Variants in ZMYND8 observed in about 807,000 individuals in gnomAD.
ZMYND8 encodes zinc finger MYND-type containing 8.
ZMYND8 carries 37 observed loss-of-function variants against 140.8 expected under a neutral mutation model. The ratio of observed to expected loss-of-function variants is 0.26; its 90% CI spans 0.20 to 0.35. ZMYND8 has a LOEUF of 0.35. Among genes scored for constraint, ZMYND8 ranks in the 10% least tolerant of loss-of-function variants. ZMYND8 has a pLI of 1.00. For synonymous variants in ZMYND8, 592 were observed against 597.1 expected, an observed-to-expected ratio of 0.99 and a Z score of 0.12; for missense variants, 1,068 against 1,570.0, an observed-to-expected ratio of 0.68 and a Z score of 5.40.
At chr20:47,285,321 C>A (rs2076853108) in intron 8 of ZMYND8, among the ~76,000 whole-genome samples, 1 of 152,208 alleles carries the variant, frequency 6.6e-6, no homozygotes, top group African/African-American at 2.4e-5. Context: ...ATAAGACTAA[C>A]AGATTTCACA....
At chr20:47,346,670 G>C (rs1006620508) in intron 2 of ZMYND8, among the ~76,000 whole-genome samples, 3 of 151,802 alleles carry the variant, frequency 2.0e-5, no homozygotes, top group Admixed American at 6.6e-5. Flanking sequence ...GCAGTGGTGC[G>C]ATCTCAGCTC....
chr20:47,331,042 GAAGA>G (rs1379340065), intron 2 of ZMYND8, among the ~76,000 whole-genome samples: 3 of 152,188 alleles, frequency 2.0e-5, no homozygotes, highest in Non-Finnish European at 4.4e-5. Context: ...TGTGGCTGGA[GAAGA>G]GAGAAGTGGA....
At chr20:47,267,652 G>A (rs186124926) in intron 11 of ZMYND8, among the ~76,000 whole-genome samples, 2 of 152,278 alleles carry the variant, frequency 1.3e-5, no homozygotes, top group East Asian at 3.9e-4. Flanking sequence ...CCCCTGAAAT[G>A]AGGGCATATT....
chr20:47,319,756 G>C (rs1479364065), intron 2 of ZMYND8: 1 of 152,124 alleles, frequency 6.6e-6, no homozygotes, highest in African/African-American at 2.4e-5. Flanking sequence ...CTGGAAAAAC[G>C]ACAACATCGC....
intron 2 of ZMYND8, among the ~76,000 whole-genome samples, chr20:47,311,142 G>A (rs1042687536): frequency 6.6e-6 from 1 of 152,160 alleles, no homozygotes; most frequent in African/African-American, 2.4e-5. Flanking sequence ...GTAATTGTGT[G>A]GAAAGAACAC....
Position 47,221,479 on chromosome 20 carries a change from G to C in ZMYND8, c.3257-5C>G. On this transcript the variant is annotated splice_region_variant and splice_polypyrimidine_tract_variant and intron_variant, in intron 19 of 22. Coordinates refer to ENST00000471951, the MANE Select transcript of ZMYND8 (RefSeq NM_001281775.3). ...CTTCCTGCTGAGGAGCAGTAGCTGG[G>C]GACAAAGGAGAGAGAGAGACGCCAC... The C allele has an allele frequency of 6.2e-7, 1 of 1,613,458 alleles. No homozygotes were observed.
chr20:47,252,958 C>T (rs1308383317), intron 12 of ZMYND8, among the ~76,000 whole-genome samples: 1 of 152,192 alleles, frequency 6.6e-6, no homozygotes, highest in East Asian at 1.9e-4. Flanking sequence ...ATATTTCAGG[C>T]TTTGCAGGCC....
chr20:47,224,179 C>T (rs1280122443), intron 19 of ZMYND8, 138 bp downstream of exon 19: 1 of 1,410,652 alleles, frequency 7.1e-7, no homozygotes, highest in Non-Finnish European at 9.6e-7. Context: ...GTGTAAGACA[C>T]AATTGTTTTT....
chr20:47,345,169 A>C (rs1186498741), intron 2 of ZMYND8, among the ~76,000 whole-genome samples: 1 of 152,180 alleles, frequency 6.6e-6, no homozygotes, highest in East Asian at 1.9e-4. Flanking sequence ...TATTTAAAAC[A>C]GAAAATAATG....
rs1345920205 is a variant in ZMYND8 at position 47,239,126 on chromosome 20, G to C, written c.2297C>G (p.Thr766Ser). Reference sequence around the variant, plus strand: ...GCTGCCCACCGTCGTGGATGGTGGAGTTTTACCTACAACTAGCCAATGCAT... The same window carrying C: ...GCTGCCCACCGTCGTGGATGGTGGACTTTTACCTACAACTAGCCAATGCAT... Reference protein sequence around the residue: ...PSPKQDVVGKTPPSTTVGSHS... With the variant: ...PSPKQDVVGKSPPSTTVGSHS... Residue 766 changes from threonine to serine, a missense_variant, in exon 15 of 23, where the codon ACT becomes AGT. Coordinates refer to ENST00000471951, the MANE Select transcript of ZMYND8 (RefSeq NM_001281775.3). The C allele has an allele frequency of 1.3e-6, 2 of 1,498,428 alleles. No individual in the cohort carries two copies. Among genetic ancestry groups the C allele is most frequent in the Admixed American group, 4.5e-5 (2 of 44,152 alleles). The allele number at this position is 1,498,428 out of a possible 1,614,324, so 92.8% of individuals were successfully genotyped here.
At chr20:47,215,238 T>C (rs1357525180) in intron 21 of ZMYND8, among the ~76,000 whole-genome samples, 1 of 152,224 alleles carries the variant, frequency 6.6e-6, no homozygotes, top group East Asian at 1.9e-4. Context: ...CTGGGCGTGG[T>C]GGTGTATTCC....
At chr20:47,304,902 C>T (rs1601757767) in intron 3 of ZMYND8, among the ~76,000 whole-genome samples, 1 of 152,130 alleles carries the variant, frequency 6.6e-6, no homozygotes, top group East Asian at 1.9e-4. Context: ...AATCCCTGCA[C>T]TCCCCTGAAC....
chr20:47,238,815 G>T lies in ZMYND8; in HGVS notation c.2608C>A (p.Gln870Lys). The T allele has an allele frequency of 6.2e-7, 1 of 1,613,120 alleles. No homozygotes were observed. Among genetic ancestry groups the T allele is most frequent in the African/African-American group, 1.3e-5 (1 of 75,034 alleles). ...CCCTGGGAAGACTGAGGCTGCTGCT[G>T]CTGGTTTTGCTGCTGCTGCTGCTGC... The part of the protein sequence containing the change: ...QQQQQQQQNQ[Q>K]QQPQSSQGTR... The change falls in exon 15 of 23, where the codon CAG becomes AAG. Residue 870 changes from glutamine to lysine, a missense_variant. By Grantham distance (53) the Gln-to-Lys change is moderately conservative (BLOSUM62 1). This residue lies in a region of ZMYND8 where 383 missense variants were observed against 431.2 expected (regional missense o/e 0.89). Coordinates refer to ENST00000471951, the MANE Select transcript of ZMYND8 (RefSeq NM_001281775.3).
Position 47,246,131 on chromosome 20 carries a change from C to T in ZMYND8, c.2161G>A (p.Val721Ile). Residue 721 changes from valine to isoleucine, a missense_variant, in exon 14 of 23, where the codon GTC becomes ATC. Around this residue, in one of 10 missense-constraint regions of ZMYND8, gnomAD observed 383 missense variants for 431.2 expected, o/e 0.89. Coordinates refer to ENST00000471951, the MANE Select transcript of ZMYND8 (RefSeq NM_001281775.3). Reference protein sequence around the residue: ...KGKDETDSPTVHLGLDSDSES... With the variant: ...KGKDETDSPTIHLGLDSDSES... ...GAATCAGAGTCCAGGCCCAAATGGA[C>T]TGTTGGGGAATCCGTCTCATCTTTT... 6.2e-7 allele frequency: 1 copy of T among 1,614,182 alleles called. No homozygotes were observed. The highest frequency in any genetic ancestry group is 8.5e-7 in the Non-Finnish European group (1 of 1,180,044).
intron 12 of ZMYND8, among the ~76,000 whole-genome samples, chr20:47,257,776 TATAA>T (rs1381633484): frequency 2.0e-5 from 3 of 152,198 alleles, no homozygotes. Flanking sequence ...TACAGTATAG[TATAA>T]ATAAAAACTG....
At chr20:47,329,046 C>T (rs2080713205) in intron 2 of ZMYND8, among the ~76,000 whole-genome samples, 2 of 152,224 alleles carry the variant, frequency 1.3e-5, no homozygotes, top group South Asian at 4.1e-4. Flanking sequence ...AACACACCAA[C>T]TTGCAAAGAT....
At chr20:47,274,430 G>A (rs1009179475) in intron 11 of ZMYND8, among the ~76,000 whole-genome samples, 1 of 152,156 alleles carries the variant, frequency 6.6e-6, no homozygotes, top group South Asian at 2.1e-4. Context: ...TCACAAAGTC[G>A]CTGCCAAGGT....
At chr20:47,267,029 G>C (rs1428158659) in intron 11 of ZMYND8, among the ~76,000 whole-genome samples, 1 of 152,156 alleles carries the variant, frequency 6.6e-6, no homozygotes, top group Non-Finnish European at 1.5e-5. Context: ...TGGACAAACT[G>C]AAGTATCCCC....
chr20:47,239,136 C>T lies in ZMYND8; in HGVS notation c.2287G>A (p.Val763Ile). ...PKEPSPKQDVVGKTPPSTTVG... is the reference protein window; with the variant it reads ...PKEPSPKQDVIGKTPPSTTVG... ...GTCGTGGATGGTGGAGTTTTACCTA[C>T]AACTAGCCAATGCATGAAGAAAAAA... is the stretch of plus-strand genomic sequence containing the variant. Residue 763 changes from valine (V) to isoleucine (I), a missense_variant and splice_region_variant, in exon 15 of 23, where the codon GTA (valine) becomes ATA (isoleucine). Transcript: ENST00000471951. The T allele has an allele frequency of 6.7e-7, 1 of 1,491,920 alleles. No homozygotes were observed. The highest frequency in any genetic ancestry group is 8.9e-7 in the Non-Finnish European group (1 of 1,126,410). The allele number at this position is 1,491,920 out of a possible 1,614,324, so 92.4% of individuals were successfully genotyped here.
Sources: allele counts gnomAD v4.1 joint callset (sites outside exome capture counted in the v4.1 genomes callset), GRCh38; gene constraint gnomAD v4.1.1; regional missense constraint gnomAD v4.1.1; transcripts MANE v1.5; gene names NCBI Gene and HGNC (gene_info 2026-07-23, HGNC 2026-07-21).